ENPP5: variants seen among roughly 807,000 people sequenced by gnomAD.
ENPP5 encodes the protein E-NPP 5.
Under a neutral mutation model 33.7 loss-of-function variants are expected in ENPP5, and 27 were observed. That is an observed-to-expected ratio of 0.80 (90% CI 0.59 to 1.11). The LOEUF is 1.11. ENPP5 is among the 50% of genes least tolerant of loss of function. ENPP5 has a pLI of 0.00. For synonymous variants in ENPP5, 199 were observed against 200.5 expected, an observed-to-expected ratio of 0.99 and a Z score of 0.06; for missense variants, 552 against 579.2, an observed-to-expected ratio of 0.95 and a Z score of 0.48.
Position 46,163,350 on chromosome 6 carries a change from A to G in ENPP5, c.1007-1597T>C, listed in dbSNP as rs1408183038. On this transcript the variant is annotated intron_variant, in intron 4 of 4. Transcript: ENST00000371383. ...CATCTAGCATTAGGTATATCTCCCA[A>G]TGCTATCCCTCCCCCCTCCCCCCAC... Among the ~76,000 whole-genome samples, 13 of 141,814 alleles carry G rather than the reference A, an allele frequency of 9.2e-5. No individual in the cohort carries two copies. In the East Asian group the frequency reaches 1.1e-3, roughly 12 times the overall value. 93.0% of individuals were successfully genotyped at this position (141,814 alleles called of 152,430 possible).
chr6:46,169,096 G>C (rs981220563), intron 2 of ENPP5, among the ~76,000 whole-genome samples: 7 of 152,162 alleles, frequency 4.6e-5, no homozygotes, highest in Middle Eastern at 3.4e-3. Context: ...GCACTTCCCT[G>C]GTTTAAAGCT....
Position 46,168,244 on chromosome 6 carries a change from A to G in ENPP5, c.19T>C (p.Leu7=), listed in dbSNP as rs1764617839. ...AGTGCAGCAAGTATGAAGGACACCA[A>G]GAGAAATTTCGAAGTCATTTTCAAA... MTSKFL[L]VSFILAALSL... is the part of the protein sequence containing the mutation. Residue 7 remains leucine (L), a synonymous_variant, in exon 3 of 5, where the codon TTG becomes CTG. Transcript: ENST00000371383. 1 of 1,589,088 alleles carries G rather than the reference A, an allele frequency of 6.3e-7. No homozygotes were observed. The highest frequency in any genetic ancestry group is 8.6e-7 in the Non-Finnish European group (1 of 1,165,506).
chr6:46,162,269 T>C (rs1364663600), intron 4 of ENPP5, among the ~76,000 whole-genome samples: 1 of 152,166 alleles, frequency 6.6e-6, no homozygotes, highest in Non-Finnish European at 1.5e-5. Context: ...CTTACAGCTA[T>C]AATCTACTAC....
Position 46,161,017 on chromosome 6 carries a change from C to A in ENPP5, c.*309G>T, listed in dbSNP as rs1465318841. Reference sequence around the variant, plus strand: ...AATTTAAAGTGCAATACATAAGGTACTTTACATAGTGCAAAGTTGCTAAAT... The same window carrying A: ...AATTTAAAGTGCAATACATAAGGTAATTTACATAGTGCAAAGTTGCTAAAT... On this transcript the variant is annotated 3_prime_UTR_variant, in exon 5 of 5. Transcript: ENST00000371383. The A allele has an allele frequency of 6.5e-6, 2 of 305,978 alleles. No individual in the cohort carries two copies. Among genetic ancestry groups the A allele is most frequent in the Non-Finnish European group, 1.2e-5 (2 of 162,254 alleles). The allele number at this position is 305,978 out of a possible 1,614,324, so 19.0% of individuals were successfully genotyped here. A position where few individuals can be genotyped will look rare whatever the true frequency, so the allele number is the denominator to read the frequency against.
chr6:46,167,631 A>G lies in ENPP5; in HGVS notation c.632T>C (p.Ile211Thr). 1 of 1,614,146 alleles carries G rather than the reference A, an allele frequency of 6.2e-7. No homozygotes were observed. The highest frequency in any genetic ancestry group is 8.5e-7 in the Non-Finnish European group (1 of 1,180,014). Residue 211 changes from isoleucine to threonine, a missense_variant, in exon 3 of 5, where the codon ATT (isoleucine) becomes ACT (threonine). By Grantham distance (89) the Ile-to-Thr change is moderately conservative (BLOSUM62 -1). Transcript: ENST00000371383. Reference sequence around the variant, plus strand: ...TATGAGATATCCTAACTTCTTGTCAATATCTGAAATGACAGGCCCCATGAG... The same window carrying G: ...TATGAGATATCCTAACTTCTTGTCAGTATCTGAAATGACAGGCCCCATGAG... ...SPLMGPVISDIDKKLGYLIQM... is the reference protein window; with the variant it reads ...SPLMGPVISDTDKKLGYLIQM...
chr6:46,163,216 CTTTTTT>C (rs10583447), intron 4 of ENPP5, among the ~76,000 whole-genome samples: 1 of 149,032 alleles, frequency 6.7e-6, no homozygotes, highest in Non-Finnish European at 1.5e-5. Context: ...ATTTGCATTT[CTTTTTT>C]TTTTTTATTA....
intron 4 of ENPP5, among the ~76,000 whole-genome samples, chr6:46,164,103 A>G (rs1399378805): frequency 2.0e-5 from 3 of 152,198 alleles, no homozygotes; most frequent in East Asian, 3.9e-4. Flanking sequence ...AATGGGATCT[A>G]ATTAAACTAA....
chr6:46,164,017 A>G (rs547981457), intron 4 of ENPP5, among the ~76,000 whole-genome samples: 62 of 152,362 alleles, frequency 4.1e-4, no homozygotes, highest in Non-Finnish European at 7.8e-4. Context: ...AGGCATTACC[A>G]TTCAGGACAT....
At position 46,168,269 on chromosome 6, in the gene ENPP5, A is replaced by G. The variant is rs554889165; in HGVS notation, c.-7T>C. On this transcript the variant is annotated 5_prime_UTR_variant, in exon 3 of 5. Coordinates refer to ENST00000371383, the MANE Select transcript of ENPP5 (RefSeq NM_001290072.2). The stretch of plus-strand genomic sequence containing the variant: ...AGAGAAATTTCGAAGTCATTTTCAA[A>G]GTACTTGATCAGTTCAGTGTAAGAT... 16 of 1,518,842 alleles carry G rather than the reference A, an allele frequency of 1.1e-5. No individual in the cohort carries two copies. In the East Asian group the frequency reaches 3.4e-4, roughly 32 times the overall value. 94.1% of individuals were successfully genotyped at this position (1,518,842 alleles called of 1,614,324 possible). A position where few individuals can be genotyped will look rare whatever the true frequency, so the allele number is the denominator to read the frequency against.
At chr6:46,167,093 T>C (rs866078364) in intron 3 of ENPP5, among the ~76,000 whole-genome samples, 1 of 152,238 alleles carries the variant, frequency 6.6e-6, no homozygotes, top group Non-Finnish European at 1.5e-5. Flanking sequence ...ATGAAATAAC[T>C]GTACATGCAT....
chr6:46,165,362 G>T, intron 4 of ENPP5, 25 bp downstream of exon 4: 1 of 1,497,536 alleles, frequency 6.7e-7, no homozygotes, highest in Non-Finnish European at 8.9e-7. Flanking sequence ...ATGCAGAATG[G>T]AAAGAAATAC....
intron 4 of ENPP5, among the ~76,000 whole-genome samples, chr6:46,162,840 T>C (rs774633026): frequency 3.3e-5 from 5 of 152,234 alleles, no homozygotes; most frequent in Admixed American, 1.3e-4. Flanking sequence ...CAGGGTACTA[T>C]GCTATTTCAT....
intron 2 of ENPP5, among the ~76,000 whole-genome samples, chr6:46,168,904 A>T (rs920451778): frequency 1.3e-5 from 2 of 152,176 alleles, no homozygotes; most frequent in African/African-American, 4.8e-5. Context: ...TGACATCCAG[A>T]TATATTTATT....
chr6:46,169,913 TTG>T (rs1764685770), intron 2 of ENPP5, 138 bp downstream of exon 2: 2 of 152,186 alleles, frequency 1.3e-5, no homozygotes, highest in South Asian at 4.1e-4. Context: ...GTTTTAGGTA[TTG>T]GTCTCAAGAT....
rs936827722 is a variant in ENPP5, at chr6:46,160,491, C to T, written c.*835G>A. The T allele has an allele frequency of 6.6e-6, 1 of 152,004 alleles. No homozygotes were observed. Among genetic ancestry groups the T allele is most frequent in the African/African-American group, 2.4e-5 (1 of 41,384 alleles). 9.4% of individuals were successfully genotyped at this position (152,004 alleles called of 1,614,324 possible). ...AAGAGAAAACATTGCTGAGATGGTG[C>T]CTGGTTGCTTCTATTCAGGCCATTG... On this transcript the variant is annotated 3_prime_UTR_variant, in exon 5 of 5. Transcript: ENST00000371383.
chr6:46,161,403 T>C lies in ENPP5; in HGVS notation c.1357A>G (p.Lys453Glu). 1 of 1,613,694 alleles carries C rather than the reference T, an allele frequency of 6.2e-7. No individual in the cohort carries two copies. Among genetic ancestry groups the C allele is most frequent in the Non-Finnish European group, 8.5e-7 (1 of 1,179,662 alleles). The change falls in exon 5 of 5, where the codon AAG becomes GAG. Residue 453 changes from lysine (K) to glutamate (E), a missense_variant. Transcript: ENST00000371383. ...GGTATTTGACTGTGAATTAAATGCT[T>C]AATGAAAATTACAAAAAATACAATC... Reference protein sequence around the residue: ...IVIVFFVIFIKHLIHSQIPAL... With the variant: ...IVIVFFVIFIEHLIHSQIPAL...
At position 46,160,834 on chromosome 6, in the gene ENPP5, A is replaced by G. The variant is rs1764368522; in HGVS notation, c.*492T>C. 6.4e-6 allele frequency: 1 copy of G among 155,798 alleles called. No homozygotes were observed. Among genetic ancestry groups the G allele is most frequent in the African/African-American group, 2.4e-5 (1 of 41,482 alleles). 9.7% of individuals were successfully genotyped at this position (155,798 alleles called of 1,614,324 possible). A position where few individuals can be genotyped will look rare whatever the true frequency, so the allele number is the denominator to read the frequency against. Reference sequence around the variant, plus strand: ...TCTCAATTTATGGAGATAGATTTCTACGTTCATTATTCGGGATTATTAGAA... The same window carrying G: ...TCTCAATTTATGGAGATAGATTTCTGCGTTCATTATTCGGGATTATTAGAA... On this transcript the variant is annotated 3_prime_UTR_variant, in exon 5 of 5. Transcript: ENST00000371383.
intron 4 of ENPP5, among the ~76,000 whole-genome samples, chr6:46,163,595 T>C (rs1052849126): frequency 1.3e-5 from 2 of 152,080 alleles, no homozygotes; most frequent in African/African-American, 4.8e-5. Context: ...TCTAGATCCC[T>C]GAGGAATCGC....
intron 3 of ENPP5, among the ~76,000 whole-genome samples, chr6:46,167,028 G>A (rs2127498699): frequency 6.6e-6 from 1 of 152,266 alleles, no homozygotes; most frequent in Non-Finnish European, 1.5e-5. Flanking sequence ...ATCTTCCACA[G>A]CTTCCTTGTT....
Sources: allele counts gnomAD v4.1 joint callset (sites outside exome capture counted in the v4.1 genomes callset), GRCh38; gene constraint gnomAD v4.1.1; transcripts MANE v1.5; gene names NCBI Gene and HGNC (gene_info 2026-07-23, HGNC 2026-07-21).